The following RAD51B variants were observed in gnomAD, a reference collection of about 807,000 sequenced individuals.
The protein encoded by RAD51B is DNA repair protein RAD51 homolog 2.
RAD51B carries 38 observed loss-of-function variants against 42.2 expected under a neutral mutation model. The ratio of observed to expected loss-of-function variants is 0.90; its 90% CI spans 0.70 to 1.18. The LOEUF is 1.18. Among genes scored for constraint, RAD51B ranks in the 50% most tolerant of loss-of-function variants. The probability of loss-of-function intolerance (pLI) is 0.00; values close to 1 mark genes in which losing one functional copy is unlikely to be tolerated. For missense variants in RAD51B, 373 were observed against 400.7 expected (o/e 0.93, Z 0.59); for synonymous variants, 154 against 145.2 (o/e 1.06, Z -0.43).
At chr14:68,024,282 G>A (rs539081661) in intron 7 of RAD51B, among the ~76,000 whole-genome samples, 7 of 152,184 alleles carry the variant, frequency 4.6e-5, no homozygotes, top group Admixed American at 1.3e-4. Context: ...AATGCTTCCA[G>A]CTTTGTTCTT....
chr14:68,234,411 A>G (rs1042734428), intron 7 of RAD51B, among the ~76,000 whole-genome samples: 2 of 152,256 alleles, frequency 1.3e-5, no homozygotes, highest in African/African-American at 4.8e-5. Context: ...ACTTAATGAT[A>G]GGAATGTGTT....
At chr14:68,083,966 A>C (rs1028172350) in intron 7 of RAD51B, among the ~76,000 whole-genome samples, 3 of 152,184 alleles carry the variant, frequency 2.0e-5, no homozygotes, top group African/African-American at 7.2e-5. Context: ...AGAAAGAAAC[A>C]ATCTTTTTGT....
At chr14:67,916,580 C>T (rs1001820999) in intron 7 of RAD51B, among the ~76,000 whole-genome samples, 1 of 151,946 alleles carries the variant, frequency 6.6e-6, no homozygotes, top group Non-Finnish European at 1.5e-5. Context: ...TAAGAACCCA[C>T]CTCAAAGCTT....
At chr14:68,097,960 G>A (rs1437228519) in intron 7 of RAD51B, among the ~76,000 whole-genome samples, 2 of 152,066 alleles carry the variant, frequency 1.3e-5, no homozygotes, top group South Asian at 2.1e-4. Flanking sequence ...CCTCCCATGT[G>A]CTGTTCATTC....
chr14:68,681,257 G>GT (rs1893423836), intron 11 of RAD51B, among the ~76,000 whole-genome samples: 1 of 152,196 alleles, frequency 6.6e-6, no homozygotes, highest in Admixed American at 6.5e-5. Context: ...AGTTGCTAGG[G>GT]TTTATCAGAG....
chr14:68,263,249 A>G (rs928230380), intron 7 of RAD51B, among the ~76,000 whole-genome samples: 2 of 152,252 alleles, frequency 1.3e-5, no homozygotes, highest in South Asian at 2.1e-4. Flanking sequence ...AATACAAAAA[A>G]TTCTAATGCT....
At chr14:68,518,025 A>G (rs1164693053) in intron 10 of RAD51B, among the ~76,000 whole-genome samples, 4 of 152,166 alleles carry the variant, frequency 2.6e-5, no homozygotes, top group Admixed American at 6.5e-5. Flanking sequence ...GGGTGCCCTC[A>G]ACTCCAGTCT....
intron 7 of RAD51B, among the ~76,000 whole-genome samples, chr14:67,901,180 A>G (rs944724651): frequency 6.6e-6 from 1 of 152,180 alleles, no homozygotes; most frequent in Non-Finnish European, 1.5e-5. Context: ...AGGATGTTGC[A>G]TCTGTGCATG....
intron 7 of RAD51B, among the ~76,000 whole-genome samples, chr14:68,079,267 A>C (rs553093873): frequency 6.6e-6 from 1 of 152,202 alleles, no homozygotes; most frequent in Non-Finnish European, 1.5e-5. Flanking sequence ...TGTTCAATCA[A>C]AACTTCTGCA....
Position 68,420,782 on chromosome 14 carries a change from G to A in RAD51B, c.957+9255G>A, listed in dbSNP as rs368502845. On this transcript the variant is annotated intron_variant, in intron 9 of 10. Coordinates refer to ENST00000471583, the MANE Select transcript of RAD51B (RefSeq NM_133510.4). ...ACCTCCTATCTCATGCTGTGACTTG[G>A]AATGCCTAACCTCCTGGGAATACAG... is the stretch of plus-strand genomic sequence containing the variant. Among the ~76,000 whole-genome samples, 30 of 152,282 alleles carry A rather than the reference G, an allele frequency of 2.0e-4. No homozygotes were observed. The East Asian group carries it at 2.1e-3, about 11-fold the overall frequency.
intron 7 of RAD51B, among the ~76,000 whole-genome samples, chr14:68,130,492 C>G (rs1463068016): frequency 6.6e-6 from 1 of 152,210 alleles, no homozygotes; most frequent in African/African-American, 2.4e-5. Flanking sequence ...GGAATCATCT[C>G]TCTATTGCTT....
intron 7 of RAD51B, among the ~76,000 whole-genome samples, chr14:68,213,741 G>C (rs1381335311): frequency 6.6e-6 from 1 of 152,148 alleles, no homozygotes; most frequent in African/African-American, 2.4e-5. Flanking sequence ...CTGTCATTAA[G>C]GGGGTCCTTG....
intron 10 of RAD51B, among the ~76,000 whole-genome samples, chr14:68,635,415 G>A (rs1020259766): frequency 1.3e-5 from 2 of 152,088 alleles, no homozygotes; most frequent in African/African-American, 2.4e-5. Context: ...CTAACTCAGC[G>A]ATTTTCAATA....
chr14:68,176,909 A>G (rs1456292510), intron 7 of RAD51B, among the ~76,000 whole-genome samples: 1 of 152,196 alleles, frequency 6.6e-6, no homozygotes, highest in African/African-American at 2.4e-5. Flanking sequence ...CATATTAATC[A>G]ACTGCACTAT....
chr14:68,430,550 G>T lies in RAD51B; in HGVS notation c.957+19023G>T, dbSNP rs1387465737. Among the ~76,000 whole-genome samples the T allele has an allele frequency of 5.9e-5, 9 of 152,234 alleles. 1 individual carries two copies. The highest frequency in any genetic ancestry group is 2.2e-4 in the African/African-American group (9 of 41,548). ...TCACTCAGGATTTGACTCTCGGTTT[G>T]TCTGTTATTGGTGTATAAGAATGCT... On this transcript the variant is annotated intron_variant, in intron 9 of 10. Transcript: ENST00000471583.
intron 7 of RAD51B, among the ~76,000 whole-genome samples, chr14:68,235,747 C>A (rs1456283477): frequency 6.8e-6 from 1 of 147,084 alleles, no homozygotes; most frequent in African/African-American, 2.5e-5. Context: ...TGAGATCTTA[C>A]CTGCGTGCAT....
rs1304746084 is a variant in RAD51B, at chr14:68,274,819, T to C, written c.757-17065T>C. Among the ~76,000 whole-genome samples the C allele has an allele frequency of 6.6e-5, 10 of 152,342 alleles. No homozygotes were observed. The South Asian group carries it at 1.9e-3, about 28-fold the overall frequency. On this transcript the variant is annotated intron_variant, in intron 7 of 10. Coordinates refer to ENST00000471583, the MANE Select transcript of RAD51B (RefSeq NM_133510.4). ...CGTCCTTTTAACTTGTTCTGCTAGA[T>C]CTTATATTTCCCATAAACTGGTGGT...
At chr14:68,570,181 C>G (rs1889624396) in intron 10 of RAD51B, among the ~76,000 whole-genome samples, 1 of 152,190 alleles carries the variant, frequency 6.6e-6, no homozygotes, top group Admixed American at 6.5e-5. Context: ...ACCCAGGTCC[C>G]TCTGCCCTGA....
At chr14:67,904,214 A>G (rs1652780652) in intron 7 of RAD51B, among the ~76,000 whole-genome samples, 1 of 152,050 alleles carries the variant, frequency 6.6e-6, no homozygotes, top group East Asian at 1.9e-4. Flanking sequence ...TGTGATGGAC[A>G]TATGTGTGCT....
Sources: allele counts gnomAD v4.1 joint callset (sites outside exome capture counted in the v4.1 genomes callset), GRCh38; gene constraint gnomAD v4.1.1; transcripts MANE v1.5; gene names NCBI Gene and HGNC (gene_info 2026-07-23, HGNC 2026-07-21).